Variants in SEMA4F observed in about 807,000 individuals in gnomAD.
The protein encoded by SEMA4F is semaphorin-4F.
A neutral mutation model predicts 78.4 loss-of-function variants in SEMA4F; 51 were observed. The ratio of observed to expected loss-of-function variants is 0.65; its 90% CI spans 0.52 to 0.82. The LOEUF (loss-of-function observed/expected upper bound fraction) is 0.82. Among genes scored for constraint, SEMA4F ranks in the 40% least tolerant of loss-of-function variants. The pLI is 0.00. For synonymous variants in SEMA4F, 418 were observed against 408.7 expected (o/e 1.02, Z -0.27); for missense variants, 938 against 1,014.4 (o/e 0.92, Z 1.02).
chr2:74,698,676 G>C, the SEMA4F span, among the ~76,000 whole-genome samples: 2 of 152,182 alleles, frequency 1.3e-5, no homozygotes, highest in African/African-American at 2.4e-5. Flanking sequence ...CCACTGAGAG[G>C]TTCCTTACAA....
intron 8 of SEMA4F, 47 bp downstream of exon 8, chr2:74,674,723 G>A (rs746750681): frequency 7.8e-5 from 125 of 1,598,278 alleles, no homozygotes; most frequent in Admixed American, 1.0e-4. Context: ...GGAGATATGT[G>A]GGGTTGGCAC....
rs1684291158 is a variant in SEMA4F, at chr2:74,658,903, C to T, written c.456+952C>T. Among the ~76,000 whole-genome samples the T allele has an allele frequency of 6.6e-6, 1 of 152,106 alleles. No homozygotes were observed. Among genetic ancestry groups the T allele is most frequent in the Non-Finnish European group, 1.5e-5 (1 of 68,008 alleles). ...GACTCTTCTGCAGTCCTCAGTAATC[C>T]CTGCCACCTGGATCAAGTCAGTGTG... On this transcript the variant is annotated intron_variant, in intron 4 of 13. Transcript: ENST00000357877. This position sits in a 1 kb window ranked among gnomAD's most constrained non-coding sequence, Gnocchi z 4.3.
chr2:74,678,462 A>G (rs1056164545), intron 12 of SEMA4F, among the ~76,000 whole-genome samples: 4 of 152,216 alleles, frequency 2.6e-5, no homozygotes, highest in Non-Finnish European at 5.9e-5. Flanking sequence ...CTATTTATTC[A>G]TACCAGTCTT....
downstream of SEMA4F, among the ~76,000 whole-genome samples, chr2:74,685,338 T>C (rs1334005593): frequency 6.6e-6 from 1 of 152,154 alleles, no homozygotes; most frequent in East Asian, 1.9e-4. Flanking sequence ...CCTCAGGAAC[T>C]GAGGCCTTAG....
downstream of SEMA4F, among the ~76,000 whole-genome samples, chr2:74,687,504 C>G (rs1366665464): frequency 6.6e-6 from 1 of 152,214 alleles, no homozygotes; most frequent in Non-Finnish European, 1.5e-5. Flanking sequence ...ATCCCCAGTG[C>G]TTAGAACAGT....
the SEMA4F span, among the ~76,000 whole-genome samples, chr2:74,705,542 T>G: frequency 6.6e-6 from 1 of 152,236 alleles, no homozygotes; most frequent in African/African-American, 2.4e-5. Flanking sequence ...TAAAGCACTA[T>G]GTACAGTATT....
chr2:74,675,408 T>C (rs1460301682), intron 10 of SEMA4F, 24 bp downstream of exon 10: 1 of 1,608,876 alleles, frequency 6.2e-7, no homozygotes, highest in Non-Finnish European at 8.5e-7. Context: ...TCAAGCAGGC[T>C]GCCTACCTAG....
rs780328240 is a variant in SEMA4F, at chr2:74,654,391, T to C, written c.15T>C (p.Ala5=). 5.9e-6 allele frequency: 9 copies of C among 1,518,644 alleles called. No homozygotes were observed. In the Admixed American group the frequency reaches 1.8e-4, roughly 31 times the overall value. The allele number at this position is 1,518,644 out of a possible 1,614,324, so 94.1% of individuals were successfully genotyped here. A position where few individuals can be genotyped will look rare whatever the true frequency, so the allele number is the denominator to read the frequency against. Reference sequence around the variant, plus strand: ...CGGAGCCAAAGATGCCGGCCTCTGCTGCGCGGCCCCGCCCGGGTCCCGGGC... The same window carrying C: ...CGGAGCCAAAGATGCCGGCCTCTGCCGCGCGGCCCCGCCCGGGTCCCGGGC... The part of the protein sequence containing the change: MPAS[A]ARPRPGPGQP... The change falls in exon 1 of 14, where the codon GCT becomes GCC. Residue 5 remains alanine, a synonymous_variant. Transcript: ENST00000357877.
chr2:74,662,885 G>C, intron 5 of SEMA4F, 60 bp downstream of exon 5: 1 of 1,376,580 alleles, frequency 7.3e-7, no homozygotes, highest in Non-Finnish European at 1.0e-6. Flanking sequence ...CCCCACCCTT[G>C]CTGTTAGAAT....
the SEMA4F span, among the ~76,000 whole-genome samples, chr2:74,692,216 T>C: frequency 6.6e-6 from 1 of 151,936 alleles, no homozygotes; most frequent in Non-Finnish European, 1.5e-5. Flanking sequence ...TAAGTAAGGA[T>C]CAGATGCACC....
At position 74,655,243 on chromosome 2, in the gene SEMA4F, G is replaced by A. The variant is rs189338174; in HGVS notation, c.145+722G>A. 7 of 357,588 alleles carry A rather than the reference G, an allele frequency of 2.0e-5. No homozygotes were observed. In the East Asian group the frequency reaches 5.6e-4, roughly 29 times the overall value. 22.2% of individuals were successfully genotyped at this position (357,588 alleles called of 1,614,324 possible). ...AAACCATTCAATGTGTTGATGTAAAGTTCTGCTTAAATGATTTTTCAAGTC... is the reference window on the plus strand; with the variant it reads ...AAACCATTCAATGTGTTGATGTAAAATTCTGCTTAAATGATTTTTCAAGTC... On this transcript the variant is annotated intron_variant, in intron 1 of 13. Transcript: ENST00000357877.
intron 10 of SEMA4F, 33 bp from the exon 11 acceptor site, chr2:74,675,492 T>C (rs755664526): frequency 8.7e-6 from 14 of 1,603,056 alleles, no homozygotes; most frequent in East Asian, 4.5e-5. Flanking sequence ...GGGGCAATTA[T>C]GTAATTATTC....
rs753349080 is a variant in SEMA4F, at chr2:74,673,836, C to G, written c.822+8C>G. Reference sequence around the variant, plus strand: ...GTGGCCCGTGTGTGTGCGGTGAGACCCCATCCCAGCTGTCTGTCTGTCATC... The same window carrying G: ...GTGGCCCGTGTGTGTGCGGTGAGACGCCATCCCAGCTGTCTGTCTGTCATC... On this transcript the variant is annotated splice_region_variant and intron_variant, in intron 7 of 13. Coordinates refer to ENST00000357877, the MANE Select transcript of SEMA4F (RefSeq NM_004263.5). 1.2e-6 allele frequency: 2 copies of G among 1,609,942 alleles called. No individual in the cohort carries two copies. Among genetic ancestry groups the G allele is most frequent in the African/African-American group, 1.3e-5 (1 of 74,860 alleles).
At chr2:74,696,753 T>C in the SEMA4F span, among the ~76,000 whole-genome samples, 1 of 152,190 alleles carries the variant, frequency 6.6e-6, no homozygotes, top group Admixed American at 6.5e-5. Flanking sequence ...AAAATTAAAA[T>C]ATTAAAATGC....
At chr2:74,684,776 C>A (rs1411227603), downstream of SEMA4F, among the ~76,000 whole-genome samples, 2 of 152,130 alleles carry the variant, frequency 1.3e-5, no homozygotes, top group Non-Finnish European at 2.9e-5. Context: ...GCAGCCAGGG[C>A]AAAATGACGG....
At chr2:74,675,443 A>T in intron 10 of SEMA4F, 59 bp downstream of exon 10, 1 of 1,592,896 alleles carries the variant, frequency 6.3e-7, no homozygotes, top group Non-Finnish European at 8.6e-7. Flanking sequence ...CGTCACAGAG[A>T]GGGTACTGTA....
rs181286749 is a variant in SEMA4F, at chr2:74,656,026, T to G, written c.146-508T>G. Among the ~76,000 whole-genome samples the G allele has an allele frequency of 5.9e-3, 903 of 152,076 alleles. 8 individuals carry two copies. Among genetic ancestry groups the G allele is most frequent in the Non-Finnish European group, 8.5e-3 (577 of 67,960 alleles). ...ATGAGGTTTAGATTTTTTTTTTTTT[T>G]GAAGCGGAGTCTTGCTCTGTCACCC... On this transcript the variant is annotated intron_variant, in intron 1 of 13. Coordinates refer to ENST00000357877, the MANE Select transcript of SEMA4F (RefSeq NM_004263.5).
chr2:74,679,333 AGGTCTGTAT>A lies in SEMA4F; in HGVS notation c.1702+11_1702+19del. 1.2e-6 allele frequency: 2 copies of A among 1,611,518 alleles called. No individual in the cohort carries two copies. Among genetic ancestry groups the A allele is most frequent in the Non-Finnish European group, 1.7e-6 (2 of 1,177,714 alleles). On this transcript the variant is annotated splice_donor_variant and splice_donor_5th_base_variant and coding_sequence_variant and intron_variant, in exon 13 of 14. Transcript: ENST00000357877. LOFTEE classifies it high-confidence loss of function. ...CCTCTTTGTGTCCTAAAGAGCCTGGAGGTCTGTATGGTCTGTATGGATTAGGGAAATGTG... is the reference window on the plus strand; with the variant it reads ...CCTCTTTGTGTCCTAAAGAGCCTGGAGGTCTGTATGGATTAGGGAAATGTG...
At chr2:74,676,139 C>T (rs957361570) in intron 12 of SEMA4F, among the ~76,000 whole-genome samples, 1 of 152,248 alleles carries the variant, frequency 6.6e-6, no homozygotes, top group African/African-American at 2.4e-5. Context: ...CTGCCTTGAC[C>T]TGACAGTGTG....
Sources: allele counts gnomAD v4.1 joint callset (sites outside exome capture counted in the v4.1 genomes callset), GRCh38; gene constraint gnomAD v4.1.1; non-coding constraint Gnocchi (gnomAD v3.1); transcripts MANE v1.5; gene names NCBI Gene and HGNC (gene_info 2026-07-23, HGNC 2026-07-21).